TMEM39A: variants seen among roughly 807,000 people sequenced by gnomAD.
TMEM39A encodes the protein suppressor of SQST-1 aggregates in rpl-43 mutants.
A neutral mutation model predicts 51.9 loss-of-function variants in TMEM39A; 19 were observed. That is an observed-to-expected ratio of 0.37 (90% CI 0.26 to 0.54). The LOEUF (loss-of-function observed/expected upper bound fraction) is 0.54, where lower values mean the gene tolerates loss of function less well. Ranked by LOEUF, TMEM39A falls within the 20% of genes least tolerant of loss-of-function variation. The probability of loss-of-function intolerance (pLI) is 0.88; values close to 1 mark genes in which losing one functional copy is unlikely to be tolerated. For synonymous variants in TMEM39A, 197 were observed against 220.2 expected (o/e 0.89, Z 0.93); for missense variants, 433 against 590.5 (o/e 0.73, Z 2.76).
chr3:119,462,714 T>C (rs574727212), intron 1 of TMEM39A, among the ~76,000 whole-genome samples: 6 of 138,554 alleles, frequency 4.3e-5, no homozygotes, highest in Non-Finnish European at 6.1e-5. Flanking sequence ...AGGGTACCAG[T>C]AGTTCTTTTA....
chr3:119,436,191 A>G (rs1430341424), intron 7 of TMEM39A, among the ~76,000 whole-genome samples: 1 of 152,336 alleles, frequency 6.6e-6, no homozygotes, highest in Non-Finnish European at 1.5e-5. Context: ...TGGAGTAATG[A>G]CTGATAAGGG....
chr3:119,446,133 T>C (rs539062033), intron 5 of TMEM39A, among the ~76,000 whole-genome samples: 1 of 152,254 alleles, frequency 6.6e-6, no homozygotes, highest in Non-Finnish European at 1.5e-5. Flanking sequence ...TACAATTTCA[T>C]GGATAGAAGA....
intron 5 of TMEM39A, among the ~76,000 whole-genome samples, chr3:119,438,382 C>G (rs960764021): frequency 6.6e-6 from 1 of 152,176 alleles, no homozygotes. Flanking sequence ...ATTTTTATAA[C>G]TAGATGCACA....
At chr3:119,434,240 T>C (rs188023012) in intron 8 of TMEM39A, among the ~76,000 whole-genome samples, 11 of 152,326 alleles carry the variant, frequency 7.2e-5, no homozygotes, top group Admixed American at 7.2e-4. Context: ...TGGGTTTCTA[T>C]TGCTTTTTCC....
chr3:119,449,136 G>A (rs2081165661), intron 4 of TMEM39A, among the ~76,000 whole-genome samples: 2 of 152,106 alleles, frequency 1.3e-5, no homozygotes, highest in African/African-American at 4.8e-5. Context: ...TTCGCTAGGT[G>A]AGGGGCAGAA....
chr3:119,435,908 GT>G (rs1458938571), intron 7 of TMEM39A: 1 of 1,289,662 alleles, frequency 7.8e-7, no homozygotes, highest in Non-Finnish European at 1.0e-6. Flanking sequence ...ATCTCTTTCA[GT>G]TCCTGGGCTT....
intron 1 of TMEM39A, among the ~76,000 whole-genome samples, chr3:119,462,573 T>C (rs1343091545): frequency 1.4e-5 from 2 of 141,662 alleles, no homozygotes; most frequent in Non-Finnish European, 3.0e-5. Context: ...GGTCACATAT[T>C]ATCTGACCTT....
intron 7 of TMEM39A, chr3:119,435,594 AT>A (rs1435381783): frequency 5.7e-5 from 56 of 981,858 alleles, no homozygotes; most frequent in Admixed American, 6.2e-5. Context: ...AAAAAAAAAA[AT>A]CTAAGTTAAT....
In TMEM39A at chr3:119,458,240, C is replaced by T. The variant is rs1398383700; in HGVS notation, c.114G>A (p.Arg38=). 6.2e-7 allele frequency: 1 copy of T among 1,613,396 alleles called. No homozygotes were observed. The highest frequency in any genetic ancestry group is 1.3e-5 in the African/African-American group (1 of 74,894). Residue 38 remains arginine (R), a splice_region_variant and synonymous_variant, in exon 3 of 9, where the codon AGG becomes AGA. Coordinates refer to ENST00000319172, the MANE Select transcript of TMEM39A (RefSeq NM_018266.3). The stretch of plus-strand genomic sequence containing the variant: ...CTGGAAGGCCAATAGCACTACCATT[C>T]CTGAAAGAGAAAACTATGGTTAACT... ...GCGNGTGLRN[R]NGSAIGLPVP... is the part of the protein sequence containing the mutation.
chr3:119,434,681 T>G, intron 8 of TMEM39A, 81 bp downstream of exon 8: 3 of 1,557,038 alleles, frequency 1.9e-6, no homozygotes, highest in Non-Finnish European at 2.6e-6. Flanking sequence ...TGCTACATGC[T>G]ATGCTACATG....
intron 1 of TMEM39A, among the ~76,000 whole-genome samples, chr3:119,462,424 T>C (rs1239084104): frequency 3.3e-5 from 5 of 152,128 alleles, no homozygotes; most frequent in African/African-American, 9.7e-5. Flanking sequence ...TATAATCAAA[T>C]AGAAGTTTAC....
chr3:119,440,163 C>T (rs577779275), intron 5 of TMEM39A, among the ~76,000 whole-genome samples: 97 of 152,038 alleles, frequency 6.4e-4, no homozygotes, highest in African/African-American at 2.2e-3. Flanking sequence ...ACACAAGCTG[C>T]ATGTGTAGGT....
At chr3:119,435,927 T>C in intron 7 of TMEM39A, 1 of 1,289,734 alleles carries the variant, frequency 7.8e-7, no homozygotes, top group Non-Finnish European at 1.0e-6. Context: ...CTTGAAGGCC[T>C]GTGCTAATCT....
At chr3:119,436,460 C>A (rs909044543) in intron 7 of TMEM39A, 1 of 189,888 alleles carries the variant, frequency 5.3e-6, no homozygotes, top group East Asian at 1.3e-4. Flanking sequence ...ATCTTAAAGT[C>A]TTCTAAAAAG....
intron 3 of TMEM39A, 34 bp from the exon 4 acceptor site, chr3:119,452,564 AAT>A (rs1243482225): frequency 6.5e-7 from 1 of 1,536,958 alleles, no homozygotes. Context: ...ATCAGAAAGA[AAT>A]ATGATGTGTA....
chr3:119,458,356 C>G lies in TMEM39A; in HGVS notation c.114-116G>C, dbSNP rs2081293822. ...TTCACTGTCTGCTTTCCCCACAAGA[C>G]TCCATCCTGGGATCCTCTTTTCTCC... On this transcript the variant is annotated intron_variant, in intron 2 of 8. Transcript: ENST00000319172. 3 of 818,326 alleles carry G rather than the reference C, an allele frequency of 3.7e-6. No homozygotes were observed. In the South Asian group the frequency reaches 5.2e-5, roughly 14 times the overall value. 50.7% of individuals were successfully genotyped at this position (818,326 alleles called of 1,614,324 possible).
chr3:119,462,256 C>T, intron 1 of TMEM39A, 108 bp from the exon 2 acceptor site: 1 of 556,270 alleles, frequency 1.8e-6, no homozygotes, highest in East Asian at 3.1e-5. Context: ...GATTTTCAAA[C>T]GAATGTTCCC....
intron 3 of TMEM39A, among the ~76,000 whole-genome samples, chr3:119,452,831 G>A (rs531960388): frequency 6.6e-6 from 1 of 152,290 alleles, no homozygotes; most frequent in South Asian, 2.1e-4. Flanking sequence ...GTTATAACCT[G>A]CAGAATTATG....
intron 7 of TMEM39A, 23 bp downstream of exon 7, chr3:119,436,768 G>A: frequency 6.3e-7 from 1 of 1,591,612 alleles, no homozygotes; most frequent in Non-Finnish European, 8.6e-7. Context: ...GTGTTACATG[G>A]TTTTACCCTC....
Sources: gnomAD v4.1 joint callset for allele counts (sites outside exome capture counted in the v4.1 genomes callset) on GRCh38, gnomAD v4.1.1 for gene constraint, MANE v1.5 for transcripts, NCBI Gene and HGNC (gene_info 2026-07-23, HGNC 2026-07-21) for gene names.